The following LRRC34 variants were observed in gnomAD, a reference collection of about 807,000 sequenced individuals.
LRRC34 encodes the protein leucine-rich repeat-containing protein 34.
LRRC34 carries 44 observed loss-of-function variants against 48.5 expected under a neutral mutation model. The observed-to-expected ratio is 0.91, with a 90% CI of 0.71 to 1.17. The LOEUF (loss-of-function observed/expected upper bound fraction) is 1.17, where lower values mean the gene tolerates loss of function less well. Among genes scored for constraint, LRRC34 ranks in the 50% most tolerant of loss-of-function variants. The pLI, the probability that LRRC34 is intolerant of heterozygous loss-of-function variation, is 0.00. For missense variants in LRRC34, 502 were observed against 563.0 expected (o/e 0.89, Z 1.10); for synonymous variants, 192 against 197.6 (o/e 0.97, Z 0.24).
At chr3:169,803,444 G>T (rs1327335633) in intron 6 of LRRC34, among the ~76,000 whole-genome samples, 1 of 152,166 alleles carries the variant, frequency 6.6e-6, no homozygotes, top group Non-Finnish European at 1.5e-5. Flanking sequence ...CTACTAAAAA[G>T]TATTTTATTT....
rs752429465 is a variant in LRRC34 at position 169,806,848 on chromosome 3, A to C, written c.528T>G (p.His176Gln). 6.3e-7 allele frequency: 1 copy of C among 1,580,572 alleles called. No homozygotes were observed. Among genetic ancestry groups the C allele is most frequent in the East Asian group, 2.3e-5 (1 of 44,418 alleles). The change falls in exon 5 of 11, where the codon CAT (histidine) becomes CAG (glutamine). Residue 176 changes from histidine to glutamine, a missense_variant and splice_region_variant. By Grantham distance (24) the His-to-Gln change is conservative. Transcript: ENST00000446859. ...EGGELIAKVL[H>Q]KNRTLKYLRM... ...TAGTTTGAAATACATAAATGCTTAC[A>C]TGTAGCACTTTAGCAATCAATTCTC...
chr3:169,809,110 A>T (rs1379596093), intron 1 of LRRC34, among the ~76,000 whole-genome samples: 6 of 151,996 alleles, frequency 3.9e-5, no homozygotes, highest in South Asian at 2.1e-4. Flanking sequence ...GTCCAAAACC[A>T]TGCAGCTAAT....
chr3:169,795,879 T>A, intron 9 of LRRC34: 1 of 1,163,428 alleles, frequency 8.6e-7, no homozygotes, highest in Non-Finnish European at 1.1e-6. Context: ...TCTGGATAAA[T>A]GCATCCAAGT....
In LRRC34 at chr3:169,807,456, A is replaced by G; in HGVS notation, c.414T>C (p.Val138=). 6.2e-7 allele frequency: 1 copy of G among 1,614,040 alleles called. No homozygotes were observed. Among genetic ancestry groups the G allele is most frequent in the Non-Finnish European group, 8.5e-7 (1 of 1,179,958 alleles). ...GCAGTTTCGCAGCATAGTATGCACC[A>G]ACATCACATAGAAGGTTATATCCAA... is the stretch of plus-strand genomic sequence containing the variant. The part of the protein sequence containing the change: ...LDVGYNLLCD[V]GAYYAAKLLQ... The change falls in exon 4 of 11, where the codon GTT becomes GTC. Residue 138 remains valine, a synonymous_variant. Transcript: ENST00000446859.
chr3:169,807,135 A>G (rs1473670398), intron 4 of LRRC34, among the ~76,000 whole-genome samples: 2 of 152,250 alleles, frequency 1.3e-5, no homozygotes, highest in African/African-American at 2.4e-5. Flanking sequence ...TAATCAAAAT[A>G]TAATTACAAT....
In LRRC34 at chr3:169,812,032, C is replaced by T. The variant is rs1371938058; in HGVS notation, c.139+378G>A. Among the ~76,000 whole-genome samples the T allele has an allele frequency of 2.6e-5, 4 of 152,042 alleles. No homozygotes were observed. The highest frequency in any genetic ancestry group is 2.1e-4 in the South Asian group (1 of 4,822). The stretch of plus-strand genomic sequence containing the variant: ...GAAACAGTATCAAGACCCTCATGCC[C>T]CCCTGTGACCTGCTCTCTGGGACTT... On this transcript the variant is annotated intron_variant, in intron 1 of 10. Transcript: ENST00000446859. This position sits in a 1 kb window ranked among gnomAD's most constrained non-coding sequence, Gnocchi z 4.3.
chr3:169,795,322 G>A lies in LRRC34; in HGVS notation c.1191+163C>T, dbSNP rs555637906. The stretch of plus-strand genomic sequence containing the variant: ...ATAGTTTTAATATCTTTGGTTATTT[G>A]AACCACCAAACTCTCTAGTAGTTAA... On this transcript the variant is annotated intron_variant, in intron 10 of 10. Transcript: ENST00000446859. 8.7e-6 allele frequency: 5 copies of A among 578,032 alleles called. No homozygotes were observed. In the South Asian group the frequency reaches 1.6e-4, roughly 18 times the overall value. 35.8% of individuals were successfully genotyped at this position (578,032 alleles called of 1,614,324 possible).
intron 7 of LRRC34, among the ~76,000 whole-genome samples, chr3:169,800,319 T>C (rs1199521194): frequency 6.6e-6 from 1 of 152,244 alleles, no homozygotes; most frequent in African/African-American, 2.4e-5. Flanking sequence ...CAGTTCACAC[T>C]GGGCTCTTAT....
Position 169,794,436 on chromosome 3 carries a change from C to T in LRRC34, c.1192-598G>A, listed in dbSNP as rs1402710833. On this transcript the variant is annotated intron_variant, in intron 10 of 10. Transcript: ENST00000446859. ...TTATACTTTTTTTTTTTTTTTGAGACAGAGTCTTGCTCTGTCGCCAAGCTG... is the reference window on the plus strand; with the variant it reads ...TTATACTTTTTTTTTTTTTTTGAGATAGAGTCTTGCTCTGTCGCCAAGCTG... 7 of 146,510 alleles carry T rather than the reference C, an allele frequency of 4.8e-5. No homozygotes were observed. In the Admixed American group the frequency reaches 4.8e-4, roughly 10 times the overall value. 9.1% of individuals were successfully genotyped at this position (146,510 alleles called of 1,614,324 possible). A position where few individuals can be genotyped will look rare whatever the true frequency, so the allele number is the denominator to read the frequency against.
rs1202247943 is a variant in LRRC34, at chr3:169,812,592, G to A, written c.-44C>T. 14 of 1,425,516 alleles carry A rather than the reference G, an allele frequency of 9.8e-6. No homozygotes were observed. The highest frequency in any genetic ancestry group is 7.3e-6 in the Non-Finnish European group (8 of 1,097,058). 88.3% of individuals were successfully genotyped at this position (1,425,516 alleles called of 1,614,324 possible). A position where few individuals can be genotyped will look rare whatever the true frequency, so the allele number is the denominator to read the frequency against. ...TACAGTCCGCCTGCAGCTGTGAGGC[G>A]GCTACACGAGCCTCGGCGCCAGCCT... On this transcript the variant is annotated 5_prime_UTR_variant, in exon 1 of 11. Transcript: ENST00000446859. The surrounding 1 kb of genome is among the most constrained non-coding windows in gnomAD (Gnocchi z 4.3).
intron 5 of LRRC34, 125 bp from the exon 6 acceptor site, chr3:169,804,306 T>TA (rs1167545262): frequency 7.3e-6 from 5 of 687,970 alleles, no homozygotes; most frequent in Admixed American, 4.0e-5. Flanking sequence ...ACGATATATA[T>TA]TTTTTTTGAG....
intron 7 of LRRC34, among the ~76,000 whole-genome samples, chr3:169,799,657 A>G (rs1779120661): frequency 6.6e-6 from 1 of 152,148 alleles, no homozygotes; most frequent in East Asian, 1.9e-4. Flanking sequence ...ACCTCATCTC[A>G]AAAAAGAAAA....
At chr3:169,807,737 A>C in intron 2 of LRRC34, 28 bp from the exon 3 acceptor site, 1 of 1,536,978 alleles carries the variant, frequency 6.5e-7, no homozygotes, top group Non-Finnish European at 8.7e-7. Flanking sequence ...AAAAAAAAAA[A>C]AAAAAAGATT....
intron 5 of LRRC34, among the ~76,000 whole-genome samples, chr3:169,806,096 G>T (rs985349414): frequency 3.9e-5 from 6 of 152,270 alleles, no homozygotes; most frequent in Non-Finnish European, 7.4e-5. Context: ...CAGATTAAAA[G>T]AATAGAATTG....
At chr3:169,795,444 C>T in intron 10 of LRRC34, 41 bp downstream of exon 10, 1 of 1,563,426 alleles carries the variant, frequency 6.4e-7, no homozygotes, top group Non-Finnish European at 8.7e-7. Flanking sequence ...AGAGATGATC[C>T]CAGAAAAAGC....
chr3:169,797,897 AG>A (rs1327219190), intron 7 of LRRC34, among the ~76,000 whole-genome samples: 2 of 152,230 alleles, frequency 1.3e-5, no homozygotes. Flanking sequence ...CTTCCCTCAC[AG>A]AAATAAGTTA....
At chr3:169,802,874 G>A (rs941839634) in intron 6 of LRRC34, among the ~76,000 whole-genome samples, 3 of 152,020 alleles carry the variant, frequency 2.0e-5, no homozygotes, top group Non-Finnish European at 4.4e-5. Context: ...CTACTCAGGA[G>A]GCTGAGGCAG....
At chr3:169,808,943 T>G (rs1779473298) in intron 1 of LRRC34, among the ~76,000 whole-genome samples, 198 bp from the exon 2 acceptor site, 1 of 152,138 alleles carries the variant, frequency 6.6e-6, no homozygotes, top group East Asian at 1.9e-4. Flanking sequence ...AAATGCTGTT[T>G]GGAGAACTAG....
intron 10 of LRRC34, 58 bp from the exon 11 acceptor site, chr3:169,793,896 G>A: frequency 8.4e-7 from 1 of 1,186,454 alleles, no homozygotes; most frequent in Non-Finnish European, 1.2e-6. Context: ...AATTTACAGT[G>A]CTTACGGAAA....
Sources: gnomAD v4.1 joint callset for allele counts (sites outside exome capture counted in the v4.1 genomes callset) on GRCh38, gnomAD v4.1.1 for gene constraint, Gnocchi (gnomAD v3.1) non-coding constraint, MANE v1.5 for transcripts, NCBI Gene and HGNC (gene_info 2026-07-23, HGNC 2026-07-21) for gene names.